ILDR2: variants seen among roughly 807,000 people sequenced by gnomAD.
The protein encoded by ILDR2 is immunoglobulin like domain containing receptor 2, also known as immunoglobulin-like domain-containing receptor 2.
ILDR2 carries 25 observed loss-of-function variants against 66.8 expected under a neutral mutation model. The ratio of observed to expected loss-of-function variants is 0.37; its 90% CI spans 0.27 to 0.52. The LOEUF is 0.52. Among genes scored for constraint, ILDR2 ranks in the 20% least tolerant of loss-of-function variants. The pLI, the probability that ILDR2 is intolerant of heterozygous loss-of-function variation, is 0.88. For synonymous variants in ILDR2, 367 were observed against 357.2 expected (o/e 1.03, Z -0.31); for missense variants, 827 against 876.8 (o/e 0.94, Z 0.72).
chr1:166,945,190 T>C (rs890016456), intron 3 of ILDR2, among the ~76,000 whole-genome samples: 3 of 152,212 alleles, frequency 2.0e-5, no homozygotes, highest in Non-Finnish European at 4.4e-5. Context: ...CAGGGAAGAA[T>C]GCCAGGAGCA....
rs114982879 is a variant in ILDR2, at chr1:166,961,285, A to G, written c.47-3184T>C. Among the ~76,000 whole-genome samples the G allele has an allele frequency of 9.5e-3, 1,440 of 152,242 alleles. 11 individuals are homozygous for G. Among genetic ancestry groups the G allele is most frequent in the Admixed American group, 0.014 (209 of 15,292 alleles). ...GGAAGTTTGGGGTTTTGTTCATTAG[A>G]TAATTACTAAGAATAGCCTCCTTCC... On this transcript the variant is annotated intron_variant, in intron 1 of 9. Coordinates refer to ENST00000271417, the MANE Select transcript of ILDR2 (RefSeq NM_199351.3).
At chr1:166,969,678 G>A (rs370470520) in intron 1 of ILDR2, among the ~76,000 whole-genome samples, 3 of 152,288 alleles carry the variant, frequency 2.0e-5, no homozygotes, top group African/African-American at 7.2e-5. Flanking sequence ...ATTTCCCTGA[G>A]TTCTATGAAC....
chr1:166,926,559 T>C (rs1008798489), intron 7 of ILDR2, among the ~76,000 whole-genome samples: 1 of 151,924 alleles, frequency 6.6e-6, no homozygotes, highest in Non-Finnish European at 1.5e-5. Context: ...TTGGTGGTTG[T>C]ATTATCCAAG....
Position 166,909,029 on chromosome 1 carries a change from C to G in ILDR2, c.*10326G>C, listed in dbSNP as rs779092472. ...TTCTTCTATTAATAACAACTCTCTT[C>G]TCTCTTTGGAGAAATCTTCCTATCC... On this transcript the variant is annotated 3_prime_UTR_variant, in exon 10 of 10. Transcript: ENST00000271417. 1 of 152,248 alleles carries G rather than the reference C, an allele frequency of 6.6e-6. No individual in the cohort carries two copies. 9.4% of individuals were successfully genotyped at this position (152,248 alleles called of 1,614,324 possible). A position where few individuals can be genotyped will look rare whatever the true frequency, so the allele number is the denominator to read the frequency against.
intron 1 of ILDR2, among the ~76,000 whole-genome samples, chr1:166,972,264 G>A (rs937611737): frequency 8.6e-5 from 13 of 151,940 alleles, no homozygotes; most frequent in Admixed American, 3.3e-4. Flanking sequence ...AGCAATCTTT[G>A]TCATAGAGAT....
At chr1:166,961,375 A>G (rs1314598828) in intron 1 of ILDR2, among the ~76,000 whole-genome samples, 1 of 152,188 alleles carries the variant, frequency 6.6e-6, no homozygotes, top group Non-Finnish European at 1.5e-5. Flanking sequence ...TTAATCAATT[A>G]TTAATAGAGG....
Position 166,965,890 on chromosome 1 carries a change from G to C in ILDR2, c.47-7789C>G, listed in dbSNP as rs993370429. Among the ~76,000 whole-genome samples, 133 of 152,182 alleles carry C rather than the reference G, an allele frequency of 8.7e-4. 3 individuals are homozygous for C. Among genetic ancestry groups the C allele is most frequent in the African/African-American group, 3.0e-3 (125 of 41,532 alleles). The stretch of plus-strand genomic sequence containing the variant: ...ACTTTTTAGGAACAACCAATGGGCA[G>C]GTTTTTTAAGTGTAGGAGATGAATA... On this transcript the variant is annotated intron_variant, in intron 1 of 9. Transcript: ENST00000271417.
intron 2 of ILDR2, among the ~76,000 whole-genome samples, chr1:166,899,031 G>C (rs968999986): frequency 6.6e-6 from 1 of 152,144 alleles, no homozygotes; most frequent in Non-Finnish European, 1.5e-5. Context: ...CTGCATTTCA[G>C]CCTGGGTGAC....
At chr1:166,929,740 A>G (rs1660521655) in intron 6 of ILDR2, among the ~76,000 whole-genome samples, 1 of 152,232 alleles carries the variant, frequency 6.6e-6, no homozygotes, top group African/African-American at 2.4e-5. Flanking sequence ...GGAATGAGTG[A>G]ATGAATGAGG....
rs552568129 is a variant in ILDR2 at position 166,916,385 on chromosome 1, C to T, written c.*2970G>A. On this transcript the variant is annotated 3_prime_UTR_variant, in exon 10 of 10. Coordinates refer to ENST00000271417, the MANE Select transcript of ILDR2 (RefSeq NM_199351.3). ...AATTTATCCATAGCACTATTTCATA[C>T]TCTATGTATAAAATCTCCTTTCTTG... 4 of 152,314 alleles carry T rather than the reference C, an allele frequency of 2.6e-5. No homozygotes were observed. The highest frequency in any genetic ancestry group is 1.3e-4 in the Admixed American group (2 of 15,302). 9.4% of individuals were successfully genotyped at this position (152,314 alleles called of 1,614,324 possible). A position where few individuals can be genotyped will look rare whatever the true frequency, so the allele number is the denominator to read the frequency against.
downstream of ILDR2, among the ~76,000 whole-genome samples, chr1:166,904,344 G>C (rs1359667862): frequency 1.3e-5 from 2 of 152,166 alleles, no homozygotes; most frequent in African/African-American, 4.8e-5. Context: ...CCTGCCAGTG[G>C]ATCTGCAGGC....
chr1:166,897,349 G>C (rs1178648414), intron 2 of ILDR2, among the ~76,000 whole-genome samples: 1 of 152,132 alleles, frequency 6.6e-6, no homozygotes, highest in Non-Finnish European at 1.5e-5. Context: ...GTTCCGGGGA[G>C]GTAAACTCTA....
chr1:166,957,247 G>A (rs932050882), intron 2 of ILDR2, among the ~76,000 whole-genome samples: 4 of 152,156 alleles, frequency 2.6e-5, no homozygotes, highest in East Asian at 1.9e-4. Flanking sequence ...AGATCATATC[G>A]GACTCTTGGG....
chr1:166,920,993 C>T lies in ILDR2; in HGVS notation c.1598G>A (p.Arg533Gln), dbSNP rs1445587759. Residue 533 changes from arginine (R) to glutamine (Q), a missense_variant, in exon 9 of 10, where the codon CGG becomes CAG. Physicochemically the swap from Arg to Gln is conservative, Grantham distance 43. Coordinates refer to ENST00000271417, the MANE Select transcript of ILDR2 (RefSeq NM_199351.3). ...GCCCTCGGGCCGCGCCTGGCGCTCC[C>T]GCGCGCTGCCCAGGTACGAGTGGTC... The part of the protein sequence containing the change: ...KYDHSYLGSA[R>Q]ERQARPEGAS... The T allele has an allele frequency of 4.7e-6, 7 of 1,498,144 alleles. No homozygotes were observed. Among genetic ancestry groups the T allele is most frequent in the Admixed American group, 4.6e-5 (2 of 43,496 alleles). 92.8% of individuals were successfully genotyped at this position (1,498,144 alleles called of 1,614,324 possible). A position where few individuals can be genotyped will look rare whatever the true frequency, so the allele number is the denominator to read the frequency against.
At position 166,911,695 on chromosome 1, in the gene ILDR2, A is replaced by C. The variant is rs2101826210; in HGVS notation, c.*7660T>G. The C allele has an allele frequency of 6.6e-6, 1 of 151,506 alleles. No homozygotes were observed. The highest frequency in any genetic ancestry group is 2.4e-5 in the African/African-American group (1 of 41,448). The allele number at this position is 151,506 out of a possible 1,614,324, so 9.4% of individuals were successfully genotyped here. ...AAGAGTAAGTCACAAGACAACAGGG[A>C]CTATGTAAATTTGAAAAAGAACTAA... On this transcript the variant is annotated 3_prime_UTR_variant, in exon 10 of 10. Coordinates refer to ENST00000271417, the MANE Select transcript of ILDR2 (RefSeq NM_199351.3).
At chr1:166,923,722 G>C (rs1379371212) in intron 7 of ILDR2, among the ~76,000 whole-genome samples, 4 of 152,104 alleles carry the variant, frequency 2.6e-5, no homozygotes. Flanking sequence ...AAGCACTTGT[G>C]AACAAGGACC....
intron 1 of ILDR2, among the ~76,000 whole-genome samples, chr1:166,959,195 GC>G (rs1278772385): frequency 6.6e-6 from 1 of 152,200 alleles, no homozygotes; most frequent in Admixed American, 6.5e-5. Flanking sequence ...TTCTTGTAAA[GC>G]CTTCTCTGAC....
rs1269773732 is a variant in ILDR2 at position 166,935,426 on chromosome 1, C to T, written c.755G>A (p.Gly252Asp). 2 of 1,612,462 alleles carry T rather than the reference C, an allele frequency of 1.2e-6. No individual in the cohort carries two copies. Among genetic ancestry groups the T allele is most frequent in the Non-Finnish European group, 1.7e-6 (2 of 1,179,304 alleles). The part of the protein sequence containing the change: ...AKAGYPPSVS[G>D]VPGPYSIPSV... ...GGGGATGGAGTAAGGGCCGGGGACA[C>T]CGGAGACAGAGGGAGGGTACCCGGC... Residue 252 changes from glycine to aspartate, a missense_variant, in exon 6 of 10, where the codon GGT becomes GAT. Physicochemically the swap from Gly to Asp is moderately conservative, Grantham distance 94. Coordinates refer to ENST00000271417, the MANE Select transcript of ILDR2 (RefSeq NM_199351.3).
At chr1:166,898,037 G>A (rs1307537762) in intron 2 of ILDR2, among the ~76,000 whole-genome samples, 1 of 152,076 alleles carries the variant, frequency 6.6e-6, no homozygotes, top group Non-Finnish European at 1.5e-5. Flanking sequence ...ACTCATTCTG[G>A]GTAGCTAGCA....
Sources: gnomAD v4.1 joint callset for allele counts (sites outside exome capture counted in the v4.1 genomes callset) on GRCh38, gnomAD v4.1.1 for gene constraint, MANE v1.5 for transcripts, NCBI Gene and HGNC (gene_info 2026-07-23, HGNC 2026-07-21) for gene names.